Variants in RYR3 observed in about 807,000 individuals in gnomAD.
The protein encoded by RYR3 is brain ryanodine receptor-calcium release channel.
In RYR3, 207 loss-of-function variants were observed where a neutral mutation model predicts 584.3. The observed-to-expected ratio is 0.35, with a 90% CI of 0.32 to 0.40. The LOEUF is 0.40. RYR3 is among the 10% of genes least tolerant of loss of function. The pLI is 1.00. For synonymous variants in RYR3, 2,416 were observed against 2,248.5 expected, an observed-to-expected ratio of 1.07 and a Z score of -2.11; for missense variants, 5,616 against 6,089.2, an observed-to-expected ratio of 0.92 and a Z score of 2.59.
rs188808931 is a variant in RYR3, at chr15:33,801,786, C to T, written c.9919-83C>T. The T allele has an allele frequency of 7.4e-5, 53 of 719,960 alleles. 1 individual carries two copies. The Middle Eastern group carries it at 1.3e-3, about 18-fold the overall frequency. 44.6% of individuals were successfully genotyped at this position (719,960 alleles called of 1,614,324 possible). A position where few individuals can be genotyped will look rare whatever the true frequency, so the allele number is the denominator to read the frequency against. ...CTCGGCTGAGAGGAGGGGTCTATTC[C>T]GTTACTTGGGGAGCTTAGAATCTTA... is the stretch of plus-strand genomic sequence containing the variant. On this transcript the variant is annotated intron_variant, in intron 68 of 103. Transcript: ENST00000634891.
intron 38 of RYR3, among the ~76,000 whole-genome samples, chr15:33,673,029 A>G (rs1269912161): frequency 6.6e-6 from 1 of 152,146 alleles, no homozygotes; most frequent in Non-Finnish European, 1.5e-5. Flanking sequence ...GTCTCTTTGT[A>G]TTGTGCTGTG....
chr15:33,623,739 A>G, intron 19 of RYR3, 68 bp from the exon 20 acceptor site: 3 of 1,193,110 alleles, frequency 2.5e-6, no homozygotes, highest in Non-Finnish European at 3.7e-6. Context: ...TTGATCTTTA[A>G]TTTTCACTTA....
chr15:33,862,452 C>G (rs1888639864), intron 102 of RYR3, among the ~76,000 whole-genome samples: 1 of 152,126 alleles, frequency 6.6e-6, no homozygotes, highest in Non-Finnish European at 1.5e-5. Flanking sequence ...AGCTATCCAC[C>G]CACCTTGGCC....
intron 36 of RYR3, among the ~76,000 whole-genome samples, chr15:33,668,213 A>T (rs1024106831): frequency 1.3e-5 from 2 of 151,368 alleles, no homozygotes; most frequent in African/African-American, 4.9e-5. Context: ...GCTACTCGGG[A>T]GGCTGAGGCA....
At chr15:33,639,358 G>T (rs766388965) in intron 27 of RYR3, among the ~76,000 whole-genome samples, 3 of 152,188 alleles carry the variant, frequency 2.0e-5, no homozygotes, top group African/African-American at 4.8e-5. Flanking sequence ...GTTCCGCAAT[G>T]CCTTGTGAGT....
At chr15:33,740,752 C>T (rs1388991395) in intron 51 of RYR3, among the ~76,000 whole-genome samples, 1 of 152,220 alleles carries the variant, frequency 6.6e-6, no homozygotes, top group African/African-American at 2.4e-5. Flanking sequence ...CCTATATGAG[C>T]CCCTTGGACC....
rs115679763 is a variant in RYR3, at chr15:33,821,620, C to T, written c.10995+18C>T. 4,344 of 1,611,626 alleles carry T rather than the reference C, an allele frequency of 2.7e-3. 78 individuals are homozygous for T. The African/African-American group carries it at 0.048, about 18-fold the overall frequency. Reference sequence around the variant, plus strand: ...TGCAACAGGTAACGGGAACTTGCAGCGGCTGGGCAGGCTCCCGGGGTATTC... The same window carrying T: ...TGCAACAGGTAACGGGAACTTGCAGTGGCTGGGCAGGCTCCCGGGGTATTC... On this transcript the variant is annotated intron_variant, in intron 80 of 103. Transcript: ENST00000634891.
chr15:33,738,988 T>C (rs555657751), intron 50 of RYR3, among the ~76,000 whole-genome samples: 1 of 152,328 alleles, frequency 6.6e-6, no homozygotes, highest in African/African-American at 2.4e-5. Flanking sequence ...TCTGCTGTGA[T>C]GGTGGGACAG....
intron 3 of RYR3, among the ~76,000 whole-genome samples, chr15:33,511,011 A>G (rs2052935976): frequency 6.6e-6 from 1 of 152,180 alleles, no homozygotes; most frequent in South Asian, 2.1e-4. Context: ...ACCTTACTTC[A>G]TGGTAAGAAA....
chr15:33,863,591 A>G (rs1011011322), intron 102 of RYR3, among the ~76,000 whole-genome samples: 11 of 152,140 alleles, frequency 7.2e-5, no homozygotes, highest in Non-Finnish European at 1.0e-4. Flanking sequence ...GACAAACTCA[A>G]ACCTAAGATA....
Position 33,398,952 on chromosome 15 carries a change from A to G in RYR3, c.52-74467A>G, listed in dbSNP as rs151297926. Among the ~76,000 whole-genome samples, 29 of 152,282 alleles carry G rather than the reference A, an allele frequency of 1.9e-4. No individual in the cohort carries two copies. The East Asian group carries it at 5.4e-3, about 28-fold the overall frequency. On this transcript the variant is annotated intron_variant, in intron 1 of 103. Transcript: ENST00000634891. ...AATGAGCCTCTCAGATTGTGGGGGC[A>G]TTGCCTGGTTCTCTAGGTTGAATGT...
chr15:33,619,727 G>T (rs1415678203), intron 19 of RYR3, among the ~76,000 whole-genome samples: 1 of 152,168 alleles, frequency 6.6e-6, no homozygotes, highest in African/African-American at 2.4e-5. Flanking sequence ...GTATGAGGCA[G>T]CTGCTTCTCC....
At chr15:33,841,676 C>T (rs1429001774) in intron 90 of RYR3, 188 bp from the exon 91 acceptor site, 1 of 566,764 alleles carries the variant, frequency 1.8e-6, no homozygotes, top group African/African-American at 1.9e-5. Context: ...AAGATCATGG[C>T]TCATCCTCAT....
chr15:33,613,923 T>A (rs1010505667), intron 19 of RYR3, among the ~76,000 whole-genome samples: 4 of 152,248 alleles, frequency 2.6e-5, no homozygotes, highest in African/African-American at 9.6e-5. Context: ...TTTATTTGGC[T>A]GTTTCATGAT....
At chr15:33,743,081 T>G (rs2070324914) in intron 52 of RYR3, among the ~76,000 whole-genome samples, 1 of 152,160 alleles carries the variant, frequency 6.6e-6, no homozygotes. Flanking sequence ...GGCAGCCAGT[T>G]AAGGATTGGG....
chr15:33,437,893 T>C (rs1347315856), intron 1 of RYR3, among the ~76,000 whole-genome samples: 2 of 152,182 alleles, frequency 1.3e-5, no homozygotes, highest in Non-Finnish European at 2.9e-5. Context: ...TGGCTATTTT[T>C]TAAATTTTTT....
chr15:33,840,667 A>G (rs529875856), intron 89 of RYR3, 158 bp from the exon 90 acceptor site: 3 of 657,086 alleles, frequency 4.6e-6, no homozygotes, highest in Middle Eastern at 2.5e-4. Flanking sequence ...GTCACTTGAC[A>G]TATATAGCAG....
chr15:33,314,831 G>A (rs1027533196), intron 1 of RYR3, among the ~76,000 whole-genome samples: 43 of 152,214 alleles, frequency 2.8e-4, no homozygotes, highest in African/African-American at 9.6e-4. Flanking sequence ...GGAGAACGGC[G>A]TGAGCCCGGG....
chr15:33,407,995 T>C (rs1445484532), intron 1 of RYR3, among the ~76,000 whole-genome samples: 1 of 139,382 alleles, frequency 7.2e-6, no homozygotes, highest in East Asian at 2.1e-4. Flanking sequence ...AAAAATGATA[T>C]CCCAGTTAAA....
Sources: allele counts gnomAD v4.1 joint callset (sites outside exome capture counted in the v4.1 genomes callset), GRCh38; gene constraint gnomAD v4.1.1; transcripts MANE v1.5; gene names NCBI Gene and HGNC (gene_info 2026-07-23, HGNC 2026-07-21).